Variants in RASSF6 observed in about 807,000 individuals in gnomAD.
RASSF6 encodes ras association domain-containing protein 6.
RASSF6 carries 52 observed loss-of-function variants against 44.0 expected under a neutral mutation model. That is an observed-to-expected ratio of 1.18 (90% CI 0.95 to 1.49). RASSF6 has a LOEUF of 1.49. Among genes scored for constraint, RASSF6 ranks in the 40% most tolerant of loss-of-function variants. The probability of loss-of-function intolerance (pLI) is 0.00; values close to 1 mark genes in which losing one functional copy is unlikely to be tolerated. For synonymous variants in RASSF6, 162 were observed against 124.6 expected (o/e 1.30, Z -2.00); for missense variants, 464 against 393.3 (o/e 1.18, Z -1.52).
chr4:73,580,029 G>A (rs1255257475), intron 8 of RASSF6, among the ~76,000 whole-genome samples: 4 of 83,058 alleles, frequency 4.8e-5, no homozygotes, highest in Non-Finnish European at 9.0e-5. Context: ...CCCCTCCCCC[G>A]ACCCCACAAC....
intron 8 of RASSF6, among the ~76,000 whole-genome samples, chr4:73,578,163 A>G (rs1025477227): frequency 1.3e-5 from 2 of 152,224 alleles, no homozygotes; most frequent in Admixed American, 1.3e-4. Context: ...TTTTTTTCTT[A>G]TAAAAACAAC....
At chr4:73,599,399 G>A (rs1329005543) in intron 2 of RASSF6, among the ~76,000 whole-genome samples, 1 of 152,158 alleles carries the variant, frequency 6.6e-6, no homozygotes, top group Non-Finnish European at 1.5e-5. Context: ...TGTAGGGGAG[G>A]AGCCCTCTAC....
chr4:73,613,510 A>C (rs1034072164), intron 1 of RASSF6, among the ~76,000 whole-genome samples: 2 of 152,114 alleles, frequency 1.3e-5, no homozygotes, highest in Non-Finnish European at 2.9e-5. Flanking sequence ...TCCCCGACTG[A>C]AATCCCCCAG....
intron 4 of RASSF6, among the ~76,000 whole-genome samples, chr4:73,590,415 G>A (rs1724453774): frequency 2.0e-5 from 3 of 152,192 alleles, no homozygotes; most frequent in Admixed American, 2.0e-4. Context: ...GAGCAGAGGT[G>A]TAAGTTTTGC....
chr4:73,581,920 T>C (rs760915605), intron 7 of RASSF6, 52 bp from the exon 8 acceptor site: 1 of 1,443,450 alleles, frequency 6.9e-7, no homozygotes, highest in African/African-American at 1.4e-5. Context: ...TATATGATGT[T>C]TTCTAACCTG....
intron 3 of RASSF6, among the ~76,000 whole-genome samples, chr4:73,594,817 C>T (rs768439412): frequency 2.2e-4 from 33 of 152,170 alleles, no homozygotes; most frequent in Admixed American, 6.5e-5. Context: ...CTCTGCCTAA[C>T]TAGAACTCAA....
rs1723427563 is a variant in RASSF6, at chr4:73,578,940, T to C, written c.722-2209A>G. 2.0e-5 allele frequency among the ~76,000 whole-genome samples: 3 copies of C among 152,042 alleles called. No homozygotes were observed. The South Asian group carries it at 6.2e-4, about 32-fold the overall frequency. ...CCCTTCTCATCCTCTCATCTGCATT[T>C]CCCCAATCCCCCACCAGGTAATCTA... On this transcript the variant is annotated intron_variant, in intron 8 of 10. Coordinates refer to ENST00000307439, the MANE Select transcript of RASSF6 (RefSeq NM_177532.5).
At chr4:73,594,090 A>G (rs961942432) in intron 3 of RASSF6, among the ~76,000 whole-genome samples, 10 of 152,260 alleles carry the variant, frequency 6.6e-5, no homozygotes, top group Admixed American at 3.3e-4. Context: ...AATTCAAAAC[A>G]TAGATATATT....
chr4:73,593,349 C>T, intron 4 of RASSF6, 102 bp downstream of exon 4: 1 of 1,104,478 alleles, frequency 9.1e-7, no homozygotes, highest in Non-Finnish European at 1.3e-6. Context: ...TGTGTGTAAT[C>T]AGTTTTACAC....
At chr4:73,606,690 A>T (rs1224373996) in intron 2 of RASSF6, among the ~76,000 whole-genome samples, 1 of 151,798 alleles carries the variant, frequency 6.6e-6, no homozygotes, top group Non-Finnish European at 1.5e-5. Context: ...GGTGTGCCAC[A>T]CAACAGTAAG....
At chr4:73,582,546 C>G (rs1560440990) in intron 6 of RASSF6, among the ~76,000 whole-genome samples, 1 of 151,904 alleles carries the variant, frequency 6.6e-6, no homozygotes, top group Non-Finnish European at 1.5e-5. Context: ...ACAATTACAC[C>G]CCTCTTTAGT....
chr4:73,581,837 T>C lies in RASSF6; in HGVS notation c.701A>G (p.His234Arg), dbSNP rs774441446. 3.1e-6 allele frequency: 5 copies of C among 1,610,226 alleles called. No individual in the cohort carries two copies. In the South Asian group the frequency reaches 5.5e-5, roughly 18 times the overall value. ...IENSPQDFAL[H>R]IIFATGEQRR... ...CTTACCTCCTGTTGCAAAAATAATG[T>C]GAAGAGCAAAATCCTGGGGACTATT... Residue 234 changes from histidine to arginine, a missense_variant, in exon 8 of 11, where the codon CAC becomes CGC. Physicochemically the swap from His to Arg is conservative, Grantham distance 29. Transcript: ENST00000307439.
Position 73,571,932 on chromosome 4 carries a change from T to C in RASSF6, c.*4303A>G, listed in dbSNP as rs557220185. On this transcript the variant is annotated 3_prime_UTR_variant, in exon 11 of 11. Transcript: ENST00000307439. ...ATGATTCGAAAATAAACTATTTTTT[T>C]CCCAGAAATTGTATGAGCTATACAT... is the stretch of plus-strand genomic sequence containing the variant. The C allele has an allele frequency of 1.3e-5, 2 of 152,338 alleles. No homozygotes were observed. The highest frequency in any genetic ancestry group is 6.5e-5 in the Admixed American group (1 of 15,310). The allele number at this position is 152,338 out of a possible 1,614,324, so 9.4% of individuals were successfully genotyped here.
At chr4:73,605,910 G>C (rs1725592700) in intron 2 of RASSF6, among the ~76,000 whole-genome samples, 1 of 152,098 alleles carries the variant, frequency 6.6e-6, no homozygotes, top group East Asian at 1.9e-4. Flanking sequence ...CTGCTTGTAT[G>C]TCTTCTTTTG....
chr4:73,606,294 C>T (rs1725628086), intron 2 of RASSF6, among the ~76,000 whole-genome samples: 1 of 152,290 alleles, frequency 6.6e-6, no homozygotes, highest in Admixed American at 6.5e-5. Context: ...GGCTATTATC[C>T]TAAGTGAACT....
intron 1 of RASSF6, chr4:73,616,085 G>T: frequency 1.4e-6 from 1 of 698,228 alleles, no homozygotes; most frequent in South Asian, 1.7e-5. Context: ...TTCCTTCTCT[G>T]CACCTGCTAC....
rs1247673 is a variant in RASSF6, at chr4:73,571,914, G to A, written c.*4321C>T. On this transcript the variant is annotated 3_prime_UTR_variant, in exon 11 of 11. Transcript: ENST00000307439. ...TTCTTGCATTATGCAAAAATGATTC[G>A]AAAATAAACTATTTTTTTCCCAGAA... is the stretch of plus-strand genomic sequence containing the variant. 1 of 152,224 alleles carries A rather than the reference G, an allele frequency of 6.6e-6. No individual in the cohort carries two copies. Among genetic ancestry groups the A allele is most frequent in the African/African-American group, 2.4e-5 (1 of 41,448 alleles). The allele number at this position is 152,224 out of a possible 1,614,324, so 9.4% of individuals were successfully genotyped here.
At chr4:73,607,075 A>G (rs574737276) in intron 2 of RASSF6, among the ~76,000 whole-genome samples, 1 of 152,324 alleles carries the variant, frequency 6.6e-6, no homozygotes, top group East Asian at 1.9e-4. Flanking sequence ...TTATCTTTAC[A>G]TTCAACAAAA....
intron 2 of RASSF6, among the ~76,000 whole-genome samples, chr4:73,605,062 G>C (rs547930610): frequency 6.6e-6 from 1 of 151,470 alleles, no homozygotes. Context: ...GCTAATTTTC[G>C]TATTTTCAGT....
Sources: allele counts gnomAD v4.1 joint callset (sites outside exome capture counted in the v4.1 genomes callset), GRCh38; gene constraint gnomAD v4.1.1; transcripts MANE v1.5; gene names NCBI Gene and HGNC (gene_info 2026-07-23, HGNC 2026-07-21).